Variants in TCEA3 observed in about 807,000 individuals in gnomAD.
The protein encoded by TCEA3 is transcription elongation factor A3.
In TCEA3, 36 loss-of-function variants were observed where a neutral mutation model predicts 44.0. That is an observed-to-expected ratio of 0.82 (90% confidence interval 0.63 to 1.08). The LOEUF (loss-of-function observed/expected upper bound fraction) is 1.08, where lower values mean the gene tolerates loss of function less well. Among genes scored for constraint, TCEA3 ranks in the 50% least tolerant of loss-of-function variants. The pLI is 0.00. For synonymous variants in TCEA3, 162 were observed against 159.7 expected (o/e 1.01, Z -0.11); for missense variants, 392 against 441.2 (o/e 0.89, Z 1.00).
intron 10 of TCEA3, 172 bp downstream of exon 10, chr1:23,384,174 C>G (rs1476699237): frequency 6.9e-7 from 1 of 1,456,494 alleles, no homozygotes; most frequent in Non-Finnish European, 9.0e-7. Flanking sequence ...TGTGTTCTCT[C>G]CCCACCTCCC....
rs561272799 is a variant in TCEA3, at chr1:23,388,057, C to A, written c.820-638G>T. ...CACTCCGGGTCTGCATCACCCACACCTTTGCTTTCTCTGTCCATCTCCCTG... is the reference window on the plus strand; with the variant it reads ...CACTCCGGGTCTGCATCACCCACACATTTGCTTTCTCTGTCCATCTCCCTG... On this transcript the variant is annotated intron_variant, in intron 8 of 10. Coordinates refer to ENST00000450454, the MANE Select transcript of TCEA3 (RefSeq NM_003196.3). Among the ~76,000 whole-genome samples the A allele has an allele frequency of 2.0e-5, 3 of 152,210 alleles. No individual in the cohort carries two copies. The East Asian group carries it at 5.8e-4, about 30-fold the overall frequency.
At position 23,383,683 on chromosome 1, in the gene TCEA3, C is replaced by T. The variant is rs1057246164; in HGVS notation, c.1038+663G>A. The T allele has an allele frequency of 1.4e-5, 14 of 985,358 alleles. No individual in the cohort carries two copies. The South Asian group carries it at 3.8e-4, about 26-fold the overall frequency. The allele number at this position is 985,358 out of a possible 1,614,324, so 61.0% of individuals were successfully genotyped here. On this transcript the variant is annotated intron_variant, in intron 10 of 10. Coordinates refer to ENST00000450454, the MANE Select transcript of TCEA3 (RefSeq NM_003196.3). ...GGTGGCCCAGACATCACATGGTGCA[C>T]ATGCAAGTCAGAGAGCAGTTGGAAA...
At chr1:23,410,018 G>T (rs1215803552) in intron 4 of TCEA3, among the ~76,000 whole-genome samples, 1 of 152,016 alleles carries the variant, frequency 6.6e-6, no homozygotes, top group East Asian at 2.0e-4. Flanking sequence ...GCTGCCTCCT[G>T]CAAGCTCCCC....
chr1:23,424,490 G>A, intron 1 of TCEA3, 75 bp downstream of exon 1: 1 of 1,395,368 alleles, frequency 7.2e-7, no homozygotes, highest in Non-Finnish European at 1.0e-6. Context: ...CCGCCAGTAC[G>A]TCCCCACCCC....
chr1:23,394,127 C>A, intron 7 of TCEA3, 94 bp from the exon 8 acceptor site: 1 of 1,453,278 alleles, frequency 6.9e-7, no homozygotes, highest in Non-Finnish European at 9.3e-7. Context: ...ACCCTTTCTT[C>A]CTCTCCTCGG....
At chr1:23,394,695 G>A (rs1244882659) in intron 7 of TCEA3, among the ~76,000 whole-genome samples, 1 of 152,216 alleles carries the variant, frequency 6.6e-6, no homozygotes, top group African/African-American at 2.4e-5. Flanking sequence ...ACCCACGCTG[G>A]GAATTGCTGG....
intron 5 of TCEA3, 61 bp downstream of exon 5, chr1:23,408,603 C>T: frequency 6.5e-7 from 1 of 1,538,634 alleles, no homozygotes. Context: ...TCCATAAAAA[C>T]AGAGAAGGGG....
In TCEA3 at chr1:23,404,871, C is replaced by A. The variant is rs140210111; in HGVS notation, c.443+3793G>T. ...GTCCTAGCTACACGGGAGGCTGGAGCAGGAGGATTGCTTGAGCCCAGGAGG... is the reference window on the plus strand; with the variant it reads ...GTCCTAGCTACACGGGAGGCTGGAGAAGGAGGATTGCTTGAGCCCAGGAGG... On this transcript the variant is annotated intron_variant, in intron 5 of 10. Transcript: ENST00000450454. Among the ~76,000 whole-genome samples the A allele has an allele frequency of 6.7e-3, 1,015 of 152,098 alleles. 8 individuals carry two copies. Among genetic ancestry groups the A allele is most frequent in the Non-Finnish European group, 9.9e-3 (672 of 67,978 alleles).
intron 4 of TCEA3, among the ~76,000 whole-genome samples, chr1:23,414,932 C>T (rs1639842122): frequency 6.6e-6 from 1 of 151,582 alleles, no homozygotes; most frequent in Non-Finnish European, 1.5e-5. Context: ...CAGCCCAGAA[C>T]CTGGCTTTCT....
At position 23,381,329 on chromosome 1, in the gene TCEA3, C is replaced by G; in HGVS notation, c.*137G>C. 1.5e-6 allele frequency: 1 copy of G among 682,466 alleles called. No individual in the cohort carries two copies. Among genetic ancestry groups the G allele is most frequent in the Non-Finnish European group, 2.7e-6 (1 of 372,252 alleles). The allele number at this position is 682,466 out of a possible 1,614,324, so 42.3% of individuals were successfully genotyped here. Reference sequence around the variant, plus strand: ...CCGATTATTAATTTGCAAGAGAATTCTTCCTCTAACTCATACCATCCCACT... The same window carrying G: ...CCGATTATTAATTTGCAAGAGAATTGTTCCTCTAACTCATACCATCCCACT... On this transcript the variant is annotated 3_prime_UTR_variant, in exon 11 of 11. Transcript: ENST00000450454.
At chr1:23,385,944 G>A (rs1203690641) in intron 9 of TCEA3, among the ~76,000 whole-genome samples, 1 of 152,202 alleles carries the variant, frequency 6.6e-6, no homozygotes, top group East Asian at 1.9e-4. Flanking sequence ...GCCTGTGTGG[G>A]CCTCAGTTTC....
chr1:23,418,111 C>A, intron 2 of TCEA3, 102 bp from the exon 3 acceptor site: 1 of 1,132,206 alleles, frequency 8.8e-7, no homozygotes, highest in Non-Finnish European at 1.3e-6. Flanking sequence ...CCTCCCCTTC[C>A]AACCTGGACC....
At position 23,394,015 on chromosome 1, in the gene TCEA3, T is replaced by C. The variant is rs1218201913; in HGVS notation, c.683A>G (p.Lys228Arg). The C allele has an allele frequency of 1.2e-6, 2 of 1,614,052 alleles. No individual in the cohort carries two copies. The highest frequency in any genetic ancestry group is 1.7e-5 in the Admixed American group (1 of 60,024). The change falls in exon 8 of 11, where the codon AAG becomes AGG. Residue 228 changes from lysine to arginine, a missense_variant. Coordinates refer to ENST00000450454, the MANE Select transcript of TCEA3 (RefSeq NM_003196.3). Reference sequence around the variant, plus strand: ...GTTCCGGTACTTCATGTCCGTGCTCTTGAGCTCTTGGTAGATATGTGACAC... The same window carrying C: ...GTTCCGGTACTTCATGTCCGTGCTCCTGAGCTCTTGGTAGATATGTGACAC... ...EIEDHIYQEL[K>R]STDMKYRNRV...
At chr1:23,414,177 C>T (rs1029766095) in intron 4 of TCEA3, among the ~76,000 whole-genome samples, 2 of 151,958 alleles carry the variant, frequency 1.3e-5, no homozygotes, top group African/African-American at 4.8e-5. Context: ...ACCTCCGCCT[C>T]CTGGGTCCCG....
intron 2 of TCEA3, 39 bp downstream of exon 2, chr1:23,419,038 C>A: frequency 1.6e-6 from 2 of 1,214,940 alleles, no homozygotes; most frequent in South Asian, 1.4e-5. Flanking sequence ...CCAGCTCTCC[C>A]CCCAGGCACT....
intron 5 of TCEA3, among the ~76,000 whole-genome samples, chr1:23,398,941 C>CG (rs1311389229): frequency 1.3e-5 from 2 of 150,714 alleles, no homozygotes; most frequent in Non-Finnish European, 3.0e-5. Flanking sequence ...TAATTTTTAC[C>CG]TTTTTTTGCA....
At chr1:23,420,866 C>A (rs1371872354) in intron 1 of TCEA3, among the ~76,000 whole-genome samples, 1 of 152,160 alleles carries the variant, frequency 6.6e-6, no homozygotes, top group African/African-American at 2.4e-5. Context: ...TCTCCTTTCC[C>A]CCAGCCCCTT....
chr1:23,390,191 G>A (rs1194364314), intron 8 of TCEA3, among the ~76,000 whole-genome samples: 1 of 152,136 alleles, frequency 6.6e-6, no homozygotes, highest in Non-Finnish European at 1.5e-5. Flanking sequence ...CAGCAGGGCC[G>A]GGCGCAGTGG....
At chr1:23,401,847 A>G (rs1450649799) in intron 5 of TCEA3, among the ~76,000 whole-genome samples, 1 of 152,046 alleles carries the variant, frequency 6.6e-6, no homozygotes, top group African/African-American at 2.4e-5. Flanking sequence ...CCCTGTTGTG[A>G]ACTGCGCATG....
Sources: allele counts gnomAD v4.1 joint callset (sites outside exome capture counted in the v4.1 genomes callset), GRCh38; gene constraint gnomAD v4.1.1; transcripts MANE v1.5; gene names NCBI Gene and HGNC (gene_info 2026-07-23, HGNC 2026-07-21).